The following CAST variants were observed in gnomAD, a reference collection of about 807,000 sequenced individuals.
CAST encodes the protein MIR583 host.
Under a neutral mutation model 119.6 loss-of-function variants are expected in CAST, and 76 were observed. The observed-to-expected ratio is 0.64, with a 90% CI of 0.53 to 0.77. The LOEUF (loss-of-function observed/expected upper bound fraction) is 0.77, where lower values mean the gene tolerates loss of function less well. Among genes scored for constraint, CAST ranks in the 30% least tolerant of loss-of-function variants. The probability of loss-of-function intolerance (pLI) is 0.00; values close to 1 mark genes in which losing one functional copy is unlikely to be tolerated. For missense variants in CAST, 953 were observed against 946.5 expected (o/e 1.01, Z -0.09); for synonymous variants, 319 against 331.6 (o/e 0.96, Z 0.41).
chr5:96,194,959 T>A, the CAST span, among the ~76,000 whole-genome samples: 24 of 152,286 alleles, frequency 1.6e-4, no homozygotes, highest in Admixed American at 1.5e-3. Flanking sequence ...ATACCTTGGA[T>A]GATAAAAGAT....
chr5:96,586,981 TC>T (rs1746871787), intron 1 of CAST, among the ~76,000 whole-genome samples: 1 of 152,176 alleles, frequency 6.6e-6, no homozygotes, highest in Non-Finnish European at 1.5e-5. Flanking sequence ...ATACTCAAGA[TC>T]ATCAAGGTAG....
the CAST span, among the ~76,000 whole-genome samples, chr5:96,372,951 G>A: frequency 3.4e-3 from 519 of 152,222 alleles, 4 homozygotes; most frequent in South Asian, 0.034. Context: ...ATGTCCAGGC[G>A]CATCTAGGGA....
At chr5:96,622,064 G>C (rs1245360423) in intron 1 of CAST, among the ~76,000 whole-genome samples, 2 of 140,578 alleles carry the variant, frequency 1.4e-5, no homozygotes, top group African/African-American at 5.4e-5. Context: ...CTGCTTCCCT[G>C]GTTCAAGGGA....
At chr5:96,458,559 CA>C in the CAST span, among the ~76,000 whole-genome samples, 1 of 151,806 alleles carries the variant, frequency 6.6e-6, no homozygotes, top group East Asian at 1.9e-4. Flanking sequence ...AAGAATAGCA[CA>C]AAAAAAGTAA....
chr5:96,394,471 A>C, the CAST span, among the ~76,000 whole-genome samples: 1 of 152,210 alleles, frequency 6.6e-6, no homozygotes, highest in Non-Finnish European at 1.5e-5. Flanking sequence ...GGATACACGA[A>C]TGTCTATCCT....
At chr5:96,770,308 T>C in intron 29 of CAST, 1 of 507,122 alleles carries the variant, frequency 2.0e-6, no homozygotes, top group Non-Finnish European at 3.6e-6. Context: ...AGAGCATCAA[T>C]GTCACCCACA....
chr5:96,734,809 T>A (rs1303703518), intron 9 of CAST, among the ~76,000 whole-genome samples: 1 of 152,194 alleles, frequency 6.6e-6, no homozygotes, highest in Non-Finnish European at 1.5e-5. Flanking sequence ...AAGAGGTGTC[T>A]CTAATTTTGG....
chr5:96,604,959 T>C (rs1305204864), intron 1 of CAST, among the ~76,000 whole-genome samples: 1 of 152,182 alleles, frequency 6.6e-6, no homozygotes, highest in African/African-American at 2.4e-5. Flanking sequence ...TGATTTATGT[T>C]GGTGTCTGTA....
the CAST span, among the ~76,000 whole-genome samples, chr5:96,311,495 T>A: frequency 6.6e-6 from 1 of 152,068 alleles, no homozygotes; most frequent in African/African-American, 2.4e-5. Flanking sequence ...AAGTGTTGTA[T>A]TGAAGTCTCA....
chr5:96,592,799 C>T (rs1316729448), intron 1 of CAST, among the ~76,000 whole-genome samples: 2 of 149,618 alleles, frequency 1.3e-5, no homozygotes, highest in Non-Finnish European at 3.0e-5. Flanking sequence ...GAGTCTTGCT[C>T]TGTCGCCCAG....
chr5:96,107,036 G>A, the CAST span, among the ~76,000 whole-genome samples: 4 of 143,098 alleles, frequency 2.8e-5, no homozygotes, highest in Admixed American at 7.0e-5. Flanking sequence ...TCAGAGACTA[G>A]GATTGCAACC....
At chr5:96,625,001 CTAAG>C in intron 1 of CAST, among the ~76,000 whole-genome samples, 1 of 152,288 alleles carries the variant, frequency 6.6e-6, no homozygotes, top group African/African-American at 2.4e-5. Flanking sequence ...TATGACTCTT[CTAAG>C]TAAGAAAGGT....
chr5:96,403,582 T>G, the CAST span, among the ~76,000 whole-genome samples: 4 of 152,236 alleles, frequency 2.6e-5, no homozygotes, highest in Admixed American at 2.6e-4. Flanking sequence ...AATTAAATTT[T>G]TAAACACTGC....
chr5:96,583,580 A>G (rs1197082098), intron 1 of CAST, among the ~76,000 whole-genome samples: 2 of 152,210 alleles, frequency 1.3e-5, no homozygotes, highest in Admixed American at 6.5e-5. Context: ...GTAAGGACCA[A>G]TGGACTCAAT....
chr5:96,665,983 A>G lies in CAST; in HGVS notation c.75+3486A>G, dbSNP rs184840466. On this transcript the variant is annotated intron_variant, in intron 1 of 31. Coordinates refer to ENST00000675179, the MANE Select transcript of CAST (RefSeq NM_001750.7). ...TATATCTACAGATATAAACACAGAT[A>G]TCGGTATATACACAGACATCTCAGA... Among the ~76,000 whole-genome samples the G allele has an allele frequency of 1.3e-3, 200 of 152,334 alleles. 1 individual carries two copies. Among genetic ancestry groups the G allele is most frequent in the Admixed American group, 7.3e-3 (111 of 15,302 alleles).
the CAST span, among the ~76,000 whole-genome samples, chr5:96,252,582 C>T: frequency 6.6e-6 from 1 of 152,092 alleles, no homozygotes; most frequent in Non-Finnish European, 1.5e-5. Context: ...TTGACGCTCA[C>T]AGAGTTTAAG....
chr5:96,599,966 C>CAAAAAAAAAAAAAAAAAAA lies in CAST; in HGVS notation c.60+70103_60+70104insAAAAAAAAAAAAAAAAAAA, dbSNP rs74978713. Reference sequence around the variant, plus strand: ...TATCCTGTATTATTGCTTCATTAGGCAAAAAAAAAAAAAAAAACCCTCAAG... The same window carrying CAAAAAAAAAAAAAAAAAAA: ...TATCCTGTATTATTGCTTCATTAGGCAAAAAAAAAAAAAAAAAAAAAAAAAAAAAAAAAAAACCCTCAAG... On this transcript the variant is annotated intron_variant, in intron 1 of 11. Transcript: ENST00000505143. Among the ~76,000 whole-genome samples, 116 of 47,172 alleles carry CAAAAAAAAAAAAAAAAAAA rather than the reference C, an allele frequency of 2.5e-3. 3 individuals are homozygous for CAAAAAAAAAAAAAAAAAAA. Among genetic ancestry groups the CAAAAAAAAAAAAAAAAAAA allele is most frequent in the African/African-American group, 7.0e-3 (115 of 16,320 alleles). 30.9% of individuals were successfully genotyped at this position (47,172 alleles called of 152,430 possible). A position where few individuals can be genotyped will look rare whatever the true frequency, so the allele number is the denominator to read the frequency against.
chr5:96,123,404 T>G, the CAST span, among the ~76,000 whole-genome samples: 1 of 152,156 alleles, frequency 6.6e-6, no homozygotes, highest in South Asian at 2.1e-4. Context: ...TATTAATGTC[T>G]AATAAAAAAT....
chr5:96,230,504 T>C, the CAST span, among the ~76,000 whole-genome samples: 15 of 152,244 alleles, frequency 9.9e-5, no homozygotes, highest in East Asian at 2.9e-3. Flanking sequence ...CACTTTCCAT[T>C]CATTCACATC....
Sources: allele counts gnomAD v4.1 joint callset (sites outside exome capture counted in the v4.1 genomes callset), GRCh38; gene constraint gnomAD v4.1.1; transcripts MANE v1.5; gene names NCBI Gene and HGNC (gene_info 2026-07-23, HGNC 2026-07-21).